The following WASHC4 variants were observed in gnomAD, a reference collection of about 807,000 sequenced individuals.
The protein encoded by WASHC4 is WASH complex subunit 7.
A neutral mutation model predicts 166.6 loss-of-function variants in WASHC4; 86 were observed. The observed-to-expected ratio is 0.52, with a 90% confidence interval of 0.43 to 0.62. WASHC4 has a LOEUF of 0.62. WASHC4 is among the 20% of genes least tolerant of loss of function. The pLI, the probability that WASHC4 is intolerant of heterozygous loss-of-function variation, is 0.00. For synonymous variants in WASHC4, 446 were observed against 451.6 expected (o/e 0.99, Z 0.16); for missense variants, 1,262 against 1,382.4 (o/e 0.91, Z 1.38).
rs139071787 is a variant in WASHC4 at position 105,167,053 on chromosome 12, C to T, written c.*122C>T. ...TCACATCTCTGGAAAATAGATGTTA[C>T]AGTTCTTAAAGGCAGTGCTTTAAAG... On this transcript the variant is annotated 3_prime_UTR_variant, in exon 33 of 33. Transcript: ENST00000332180. 2 of 739,656 alleles carry T rather than the reference C, an allele frequency of 2.7e-6. No homozygotes were observed. The highest frequency in any genetic ancestry group is 3.7e-5 in the Admixed American group (2 of 53,482). 45.8% of individuals were successfully genotyped at this position (739,656 alleles called of 1,614,324 possible). A position where few individuals can be genotyped will look rare whatever the true frequency, so the allele number is the denominator to read the frequency against.
chr12:105,111,475 C>CT (rs1361977605), intron 2 of WASHC4, among the ~76,000 whole-genome samples: 1 of 152,118 alleles, frequency 6.6e-6, no homozygotes, highest in African/African-American at 2.4e-5. Context: ...AACACACAGC[C>CT]TTTAGTGTCA....
In WASHC4 at chr12:105,144,887, GT is replaced by G. The variant is rs139265089; in HGVS notation, c.2334+23del. 13 of 1,607,972 alleles carry G rather than the reference GT, an allele frequency of 8.1e-6. No individual in the cohort carries two copies. Among genetic ancestry groups the G allele is most frequent in the Admixed American group, 3.4e-5 (2 of 59,648 alleles). On this transcript the variant is annotated intron_variant, in intron 22 of 32. Transcript: ENST00000332180. ...CTTTGGAACAGGTATAGTATAAAAT[GT>G]TTTTTTTAGCATACTGTGACTGTTG...
At chr12:105,145,718 T>C (rs778605311) in intron 22 of WASHC4, among the ~76,000 whole-genome samples, 1 of 152,090 alleles carries the variant, frequency 6.6e-6, no homozygotes, top group African/African-American at 2.4e-5. Flanking sequence ...ATAAAAGTTA[T>C]AATAAAAACT....
intron 26 of WASHC4, among the ~76,000 whole-genome samples, chr12:105,155,371 C>T (rs998533009): frequency 3.1e-5 from 4 of 129,910 alleles, no homozygotes; most frequent in Non-Finnish European, 4.8e-5. Context: ...ACAGAGGCAA[C>T]AGTAAGTGCA....
intron 21 of WASHC4, 98 bp downstream of exon 21, chr12:105,144,553 G>A (rs933011731): frequency 7.4e-6 from 9 of 1,217,192 alleles, no homozygotes; most frequent in Admixed American, 6.6e-5. Context: ...TAAATTTTGT[G>A]TTGTTATTCT....
chr12:105,160,068 C>T lies in WASHC4; in HGVS notation c.2980C>T (p.Leu994Phe), dbSNP rs767934076. ...SAEGTEYFKM[L>F]VDVFAPEFRR... ...CGAAGGCACAGAATATTTCAAAATG[C>T]TTGTAGACGTTTTTGCTCCAGAATT... The change falls in exon 29 of 33, where the codon CTT becomes TTT. Residue 994 changes from leucine (L) to phenylalanine (F), a missense_variant. Leu to Phe is a conservative substitution (Grantham distance 22). Coordinates refer to ENST00000332180, the MANE Select transcript of WASHC4 (RefSeq NM_015275.3). The T allele has an allele frequency of 1.9e-6, 3 of 1,613,508 alleles. No individual in the cohort carries two copies. Among genetic ancestry groups the T allele is most frequent in the Non-Finnish European group, 2.5e-6 (3 of 1,179,480 alleles).
chr12:105,167,194 A>T lies in WASHC4; in HGVS notation c.*263A>T, dbSNP rs1230618487. 2.3e-6 allele frequency: 1 copy of T among 435,124 alleles called. No individual in the cohort carries two copies. The highest frequency in any genetic ancestry group is 2.0e-5 in the African/African-American group (1 of 50,176). The allele number at this position is 435,124 out of a possible 1,614,324, so 27.0% of individuals were successfully genotyped here. The stretch of plus-strand genomic sequence containing the variant: ...ATGTTTCTATTTGAAGTGAAGTTAT[A>T]AAAGGGCAAATCCAGATTCATAAAC... On this transcript the variant is annotated 3_prime_UTR_variant, in exon 33 of 33. Coordinates refer to ENST00000332180, the MANE Select transcript of WASHC4 (RefSeq NM_015275.3).
At chr12:105,141,711 C>G (rs1882865979) in intron 18 of WASHC4, among the ~76,000 whole-genome samples, 1 of 152,026 alleles carries the variant, frequency 6.6e-6, no homozygotes, top group African/African-American at 2.4e-5. Context: ...TTCTTGTTTT[C>G]TTTTTGTTGA....
chr12:105,146,520 C>A lies in WASHC4; in HGVS notation c.2403C>A (p.Asn801Lys). 2 of 1,584,068 alleles carry A rather than the reference C, an allele frequency of 1.3e-6. No homozygotes were observed. The highest frequency in any genetic ancestry group is 1.7e-6 in the Non-Finnish European group (2 of 1,155,546). Residue 801 changes from asparagine to lysine, a missense_variant, in exon 23 of 33, where the codon AAC (asparagine) becomes AAA (lysine). By Grantham distance (94) the Asn-to-Lys change is moderately conservative (BLOSUM62 0). Transcript: ENST00000332180. ...TGTCCCGATACCTCTATAATCTCAACAATCAGGTGAGTAGGGTTTATAAAT... is the reference window on the plus strand; with the variant it reads ...TGTCCCGATACCTCTATAATCTCAAAAATCAGGTGAGTAGGGTTTATAAAT... The part of the protein sequence containing the change: ...IFVSRYLYNL[N>K]NQIFIERTSN...
At chr12:105,122,275 CAT>C in intron 10 of WASHC4, 37 bp downstream of exon 10, 1 of 1,600,424 alleles carries the variant, frequency 6.2e-7, no homozygotes, top group Non-Finnish European at 8.5e-7. Context: ...CAGTGGGGCT[CAT>C]ATTAGACGAC....
In WASHC4 at chr12:105,141,163, A is replaced by G; in HGVS notation, c.1708-4A>G. On this transcript the variant is annotated splice_polypyrimidine_tract_variant and splice_region_variant and intron_variant, in intron 17 of 32. Transcript: ENST00000332180. ...TCTCTGCCTTTTTTTCCTGTCCCTG[A>G]TAGAAAACATTTAAAGATGAAGAAC... 1 of 1,612,756 alleles carries G rather than the reference A, an allele frequency of 6.2e-7. No individual in the cohort carries two copies. Among genetic ancestry groups the G allele is most frequent in the Non-Finnish European group, 8.5e-7 (1 of 1,178,772 alleles).
chr12:105,125,682 A>C (rs544088244), intron 10 of WASHC4, among the ~76,000 whole-genome samples: 2 of 152,292 alleles, frequency 1.3e-5, no homozygotes, highest in South Asian at 4.1e-4. Context: ...TCTACTCTTA[A>C]AAGTGCAAAG....
chr12:105,135,141 C>T (rs191054020), intron 14 of WASHC4, among the ~76,000 whole-genome samples: 1 of 151,984 alleles, frequency 6.6e-6, no homozygotes, highest in Non-Finnish European at 1.5e-5. Context: ...ACTTTGAGTT[C>T]CTCTGTATTT....
At chr12:105,117,091 A>T (rs1880253669) in intron 6 of WASHC4, among the ~76,000 whole-genome samples, 1 of 152,160 alleles carries the variant, frequency 6.6e-6, no homozygotes, top group Admixed American at 6.5e-5. Context: ...TTCCTGGTAA[A>T]TTGAATCTTT....
chr12:105,136,906 T>G (rs1276097835), intron 14 of WASHC4, among the ~76,000 whole-genome samples: 2 of 152,182 alleles, frequency 1.3e-5, no homozygotes, highest in Non-Finnish European at 1.5e-5. Flanking sequence ...GCGCTGAGTA[T>G]CATTCCTTTA....
At chr12:105,135,395 TG>T (rs1254179471) in intron 14 of WASHC4, among the ~76,000 whole-genome samples, 2 of 151,332 alleles carry the variant, frequency 1.3e-5, no homozygotes, top group African/African-American at 4.8e-5. Context: ...TCTAGGTTGG[TG>T]GGGTTTTTTT....
intron 31 of WASHC4, 155 bp from the exon 32 acceptor site, chr12:105,164,486 A>C (rs1884688262): frequency 1.2e-6 from 1 of 810,086 alleles, no homozygotes; most frequent in South Asian, 1.6e-5. Flanking sequence ...CTCACATCTT[A>C]AAAATGGGCG....
chr12:105,156,565 A>T lies in WASHC4; in HGVS notation c.2759-161A>T. 5.8e-6 allele frequency: 3 copies of T among 518,928 alleles called. No individual in the cohort carries two copies. The East Asian group carries it at 9.4e-5, about 16-fold the overall frequency. 32.1% of individuals were successfully genotyped at this position (518,928 alleles called of 1,614,324 possible). A position where few individuals can be genotyped will look rare whatever the true frequency, so the allele number is the denominator to read the frequency against. Reference sequence around the variant, plus strand: ...TTATATTTTAAGTGTAGAAATATGTAACAGTTTTACTTTTTATGATAAGAA... The same window carrying T: ...TTATATTTTAAGTGTAGAAATATGTTACAGTTTTACTTTTTATGATAAGAA... On this transcript the variant is annotated intron_variant, in intron 26 of 32. Transcript: ENST00000332180.
Position 105,157,760 on chromosome 12 carries a change from C to T in WASHC4, c.2912+438C>T, listed in dbSNP as rs150481858. On this transcript the variant is annotated intron_variant, in intron 28 of 32. Coordinates refer to ENST00000332180, the MANE Select transcript of WASHC4 (RefSeq NM_015275.3). ...GTAATCTATAGCAGCACTGTAGCCA[C>T]TACCATATATGGCCGGTAAACACTT... Among the ~76,000 whole-genome samples, 232 of 152,320 alleles carry T rather than the reference C, an allele frequency of 1.5e-3. 1 individual carries two copies. The highest frequency in any genetic ancestry group is 4.7e-3 in the African/African-American group (196 of 41,572).
Sources: allele counts gnomAD v4.1 joint callset (sites outside exome capture counted in the v4.1 genomes callset), GRCh38; gene constraint gnomAD v4.1.1; transcripts MANE v1.5; gene names NCBI Gene and HGNC (gene_info 2026-07-23, HGNC 2026-07-21).